Variants in SLIT2 observed in about 807,000 individuals in gnomAD.
The protein encoded by SLIT2 is slit homolog 2 protein.
In SLIT2, 41 loss-of-function variants were observed where a neutral mutation model predicts 185.7. The ratio of observed to expected loss-of-function variants is 0.22; its 90% CI spans 0.17 to 0.29. SLIT2 has a LOEUF of 0.29. Ranked by LOEUF, SLIT2 falls within the 10% of genes least tolerant of loss-of-function variation. The pLI is 1.00. For missense variants in SLIT2, 1,571 were observed against 1,909.0 expected, an observed-to-expected ratio of 0.82 and a Z score of 3.30; for synonymous variants, 693 against 680.2, an observed-to-expected ratio of 1.02 and a Z score of -0.29.
intron 4 of SLIT2, among the ~76,000 whole-genome samples, chr4:20,403,099 T>A (rs1300742561): frequency 6.6e-6 from 1 of 152,042 alleles, no homozygotes; most frequent in African/African-American, 2.4e-5. Flanking sequence ...CTCTATTTAA[T>A]CTTTTGGGAT....
intron 4 of SLIT2, among the ~76,000 whole-genome samples, chr4:20,420,483 A>G (rs1728090049): frequency 6.6e-6 from 1 of 152,158 alleles, no homozygotes; most frequent in South Asian, 2.1e-4. Context: ...TGAAAATAAT[A>G]TATTTTATTT....
At chr4:20,609,931 C>A in intron 33 of SLIT2, 82 bp from the exon 34 acceptor site, 1 of 1,287,984 alleles carries the variant, frequency 7.8e-7, no homozygotes, top group Non-Finnish European at 1.1e-6. Context: ...TCCCAAGGAG[C>A]ACTTATCAAA....
chr4:20,455,952 A>C (rs1424254295), intron 4 of SLIT2, among the ~76,000 whole-genome samples: 1 of 152,132 alleles, frequency 6.6e-6, no homozygotes, highest in African/African-American at 2.4e-5. Flanking sequence ...ATCATGATCA[A>C]GAATCATATT....
chr4:20,377,978 G>T (rs1376016119), intron 4 of SLIT2, among the ~76,000 whole-genome samples: 1 of 152,118 alleles, frequency 6.6e-6, no homozygotes. Context: ...AGTTGTTCTT[G>T]TGACCTAATA....
intron 4 of SLIT2, among the ~76,000 whole-genome samples, chr4:20,287,723 T>G (rs1476429238): frequency 1.3e-5 from 2 of 152,212 alleles, no homozygotes; most frequent in Non-Finnish European, 2.9e-5. Flanking sequence ...AGTATATCCC[T>G]ATCTCTCTCC....
chr4:20,295,503 G>T (rs946510040), intron 4 of SLIT2, among the ~76,000 whole-genome samples: 1 of 152,158 alleles, frequency 6.6e-6, no homozygotes, highest in African/African-American at 2.4e-5. Flanking sequence ...TGAAGTTACT[G>T]CTAAGATAGC....
rs1231618428 is a variant in SLIT2, at chr4:20,253,742, A to G, written c.-74A>G. 77 of 1,550,992 alleles carry G rather than the reference A, an allele frequency of 5.0e-5. No individual in the cohort carries two copies. Among genetic ancestry groups the G allele is most frequent in the Non-Finnish European group, 6.4e-5 (73 of 1,149,078 alleles). On this transcript the variant is annotated 5_prime_UTR_variant, in exon 1 of 37. Coordinates refer to ENST00000504154, the MANE Select transcript of SLIT2 (RefSeq NM_004787.4). ...CCCCGCCGGGCACTGGGCCTCAGACACTGCGCGGTTCCCTCGGAGCAGCAA... is the reference window on the plus strand; with the variant it reads ...CCCCGCCGGGCACTGGGCCTCAGACGCTGCGCGGTTCCCTCGGAGCAGCAA...
At chr4:20,470,071 A>G (rs1169134274) in intron 5 of SLIT2, among the ~76,000 whole-genome samples, 1 of 152,056 alleles carries the variant, frequency 6.6e-6, no homozygotes, top group Non-Finnish European at 1.5e-5. Context: ...TACTTTTATA[A>G]AGTAAACAAT....
In SLIT2 at chr4:20,525,153, A is replaced by G; in HGVS notation, c.1443A>G (p.Lys481=). The G allele has an allele frequency of 6.2e-7, 1 of 1,608,482 alleles. No homozygotes were observed. The highest frequency in any genetic ancestry group is 1.3e-5 in the African/African-American group (1 of 74,880). ...TTTGTCTCTTTTTTTATTTAGCTAA[A>G]GAACAGTATTTCATTCCAGGTAGGT... ...IKSKKFRCSA[K]EQYFIPGTED... Residue 481 remains lysine (K), a synonymous_variant, in exon 15 of 37, where the codon AAA becomes AAG. Transcript: ENST00000504154.
At chr4:20,552,524 C>G (rs1383294101) in intron 25 of SLIT2, 1 of 152,048 alleles carries the variant, frequency 6.6e-6, no homozygotes, top group Non-Finnish European at 1.5e-5. Flanking sequence ...TTCCCACTTC[C>G]TCCCCTGTCA....
At chr4:20,360,969 C>A (rs955059820) in intron 4 of SLIT2, among the ~76,000 whole-genome samples, 4 of 152,118 alleles carry the variant, frequency 2.6e-5, no homozygotes, top group African/African-American at 9.7e-5. Flanking sequence ...AGAAATGAAT[C>A]CATATTCTTA....
At chr4:20,303,255 C>A (rs1347818606) in intron 4 of SLIT2, among the ~76,000 whole-genome samples, 1 of 152,118 alleles carries the variant, frequency 6.6e-6, no homozygotes, top group South Asian at 2.1e-4. Context: ...ACTCTCAGTA[C>A]CCTTACAAGC....
intron 30 of SLIT2, among the ~76,000 whole-genome samples, chr4:20,594,424 G>A (rs11944759): frequency 0.052 from 7,890 of 151,784 alleles, 351 homozygotes; most frequent in African/African-American, 0.11. Flanking sequence ...TAAAGTCAGT[G>A]AACCCTCTCT....
chr4:20,567,769 A>G (rs901607439), intron 28 of SLIT2, among the ~76,000 whole-genome samples, 154 bp downstream of exon 28: 2 of 152,128 alleles, frequency 1.3e-5, no homozygotes, highest in African/African-American at 4.8e-5. Context: ...AGATATTGCA[A>G]TATAAAAAAT....
Position 20,299,848 on chromosome 4 carries a change from C to T in SLIT2, c.395+30967C>T, listed in dbSNP as rs538231012. 2.0e-5 allele frequency among the ~76,000 whole-genome samples: 3 copies of T among 151,834 alleles called. No homozygotes were observed. The East Asian group carries it at 5.8e-4, about 29-fold the overall frequency. ...AGGGCTCCGTAACAGATACTCTTTG[C>T]TAAAAATAATACAGTATTTTATATT... On this transcript the variant is annotated intron_variant, in intron 4 of 36. Transcript: ENST00000504154.
chr4:20,375,878 T>G (rs1723974197), intron 4 of SLIT2, among the ~76,000 whole-genome samples: 1 of 152,048 alleles, frequency 6.6e-6, no homozygotes, highest in African/African-American at 2.4e-5. Flanking sequence ...CTTCAAATAT[T>G]GAAGCATCAG....
chr4:20,528,984 T>C lies in SLIT2; in HGVS notation c.1498T>C (p.Cys500Arg), dbSNP rs1721547392. 8.1e-6 allele frequency: 13 copies of C among 1,614,048 alleles called. No homozygotes were observed. The highest frequency in any genetic ancestry group is 1.1e-5 in the Non-Finnish European group (13 of 1,179,930). The change falls in exon 16 of 37, where the codon TGC becomes CGC. Residue 500 changes from cysteine (C) to arginine (R), a missense_variant. Cys to Arg is a radical substitution (Grantham distance 180). Transcript: ENST00000504154. This position sits in a 1 kb window ranked among gnomAD's most constrained non-coding sequence, Gnocchi z 4.2. ...TTATCGATCAAAATTAAGTGGAGAC[T>C]GCTTTGCGGATCTGGCTTGCCCTGA... ...EDYRSKLSGD[C>R]FADLACPEKC... is the part of the protein sequence containing the mutation.
intron 4 of SLIT2, among the ~76,000 whole-genome samples, chr4:20,399,624 TA>T (rs1317483229): frequency 6.6e-6 from 1 of 151,824 alleles, no homozygotes; most frequent in Non-Finnish European, 1.5e-5. Flanking sequence ...TCAATCATTA[TA>T]ATATGGTCTT....
intron 4 of SLIT2, among the ~76,000 whole-genome samples, chr4:20,449,493 C>T (rs1712225307): frequency 6.6e-6 from 1 of 152,074 alleles, no homozygotes; most frequent in African/African-American, 2.4e-5. Flanking sequence ...ACTGCAACCT[C>T]CGCCTCCCAG....
Sources: allele counts gnomAD v4.1 joint callset (sites outside exome capture counted in the v4.1 genomes callset), GRCh38; gene constraint gnomAD v4.1.1; non-coding constraint Gnocchi (gnomAD v3.1); transcripts MANE v1.5; gene names NCBI Gene and HGNC (gene_info 2026-07-23, HGNC 2026-07-21).